RFFL: variants seen among roughly 807,000 people sequenced by gnomAD.
RFFL encodes ring finger and FYVE like domain containing E3 ubiquitin protein ligase.
A neutral mutation model predicts 40.4 loss-of-function variants in RFFL; 16 were observed. The ratio of observed to expected loss-of-function variants is 0.40; its 90% CI spans 0.27 to 0.60. RFFL has a LOEUF of 0.60. RFFL is among the 20% of genes least tolerant of loss of function. The probability of loss-of-function intolerance (pLI) is 0.47; values close to 1 mark genes in which losing one functional copy is unlikely to be tolerated. For synonymous variants in RFFL, 154 were observed against 167.9 expected (o/e 0.92, Z 0.64); for missense variants, 367 against 451.7 (o/e 0.81, Z 1.70).
At chr17:35,026,729 G>C (rs2091043551) in intron 1 of RFFL, among the ~76,000 whole-genome samples, 168 bp from the exon 2 acceptor site, 1 of 152,146 alleles carries the variant, frequency 6.6e-6, no homozygotes, top group African/African-American at 2.4e-5. Context: ...TTTTGAGATG[G>C]AGTTTTGCTC....
chr17:35,009,415 G>A lies in RFFL; in HGVS notation c.*2553C>T, dbSNP rs192398232. ...TCTCAGAGTAATCAGCAAAAGCTAC[G>A]GAATAATTCTAAGAATTAGATGTTT... On this transcript the variant is annotated 3_prime_UTR_variant, in exon 7 of 7. Transcript: ENST00000394597. 25 of 152,126 alleles carry A rather than the reference G, an allele frequency of 1.6e-4. No homozygotes were observed. The highest frequency in any genetic ancestry group is 4.6e-4 in the African/African-American group (19 of 41,468). The allele number at this position is 152,126 out of a possible 1,614,324, so 9.4% of individuals were successfully genotyped here.
chr17:35,060,868 T>C (rs1404957153), intron 1 of RFFL, among the ~76,000 whole-genome samples: 2 of 151,832 alleles, frequency 1.3e-5, no homozygotes, highest in Non-Finnish European at 2.9e-5. Context: ...AACTCAACAG[T>C]CTAGTGGAAG....
At chr17:35,034,042 C>A (rs1355911828) in intron 1 of RFFL, among the ~76,000 whole-genome samples, 1 of 151,446 alleles carries the variant, frequency 6.6e-6, no homozygotes. Flanking sequence ...ACCCGGGAGG[C>A]TGAGGCAGGA....
intron 1 of RFFL, among the ~76,000 whole-genome samples, chr17:35,055,760 C>T (rs1229038255): frequency 1.3e-5 from 2 of 151,816 alleles, no homozygotes; most frequent in Non-Finnish European, 1.5e-5. Context: ...AGTCACACAG[C>T]GCTAGATACT....
At chr17:35,039,850 T>C (rs924205451) in intron 1 of RFFL, among the ~76,000 whole-genome samples, 6 of 152,038 alleles carry the variant, frequency 3.9e-5, no homozygotes, top group Non-Finnish European at 8.8e-5. Context: ...GCTAATTTTG[T>C]ATTTTTAGTA....
At chr17:35,055,177 C>T (rs1912676575) in intron 1 of RFFL, among the ~76,000 whole-genome samples, 1 of 151,966 alleles carries the variant, frequency 6.6e-6, no homozygotes, top group African/African-American at 2.4e-5. Flanking sequence ...CTCGGCCTCC[C>T]AAAGTGCTGG....
Position 35,011,832 on chromosome 17 carries a change from A to C in RFFL, c.*136T>G. On this transcript the variant is annotated 3_prime_UTR_variant, in exon 7 of 7. Transcript: ENST00000394597. ...GAAGACAGGCATGCTCAGGGGTGACATGGCATCTTGCTTGACCTGGTTTTG... is the reference window on the plus strand; with the variant it reads ...GAAGACAGGCATGCTCAGGGGTGACCTGGCATCTTGCTTGACCTGGTTTTG... 1 of 801,434 alleles carries C rather than the reference A, an allele frequency of 1.2e-6. No individual in the cohort carries two copies. Among genetic ancestry groups the C allele is most frequent in the Admixed American group, 2.4e-5 (1 of 42,180 alleles). 49.6% of individuals were successfully genotyped at this position (801,434 alleles called of 1,614,324 possible).
chr17:35,017,467 G>C, intron 4 of RFFL, 56 bp downstream of exon 4: 1 of 1,147,856 alleles, frequency 8.7e-7, no homozygotes. Flanking sequence ...AAGAGGTTCC[G>C]AAGAACACCA....
At chr17:35,022,919 C>T (rs2091018546) in intron 2 of RFFL, among the ~76,000 whole-genome samples, 1 of 152,228 alleles carries the variant, frequency 6.6e-6, no homozygotes, top group Admixed American at 6.5e-5. Context: ...TACTGCCTGG[C>T]AGCAGCTAGT....
intron 2 of RFFL, among the ~76,000 whole-genome samples, chr17:35,025,553 A>T (rs1267438220): frequency 6.6e-6 from 1 of 152,270 alleles, no homozygotes; most frequent in East Asian, 1.9e-4. Context: ...TCCTTTGCAC[A>T]TAGCAGATGG....
At chr17:35,038,834 G>C (rs765258281) in intron 1 of RFFL, among the ~76,000 whole-genome samples, 1 of 152,168 alleles carries the variant, frequency 6.6e-6, no homozygotes, top group Non-Finnish European at 1.5e-5. Context: ...TGTTGACTTT[G>C]TAAAAATTCA....
intron 1 of RFFL, among the ~76,000 whole-genome samples, chr17:35,081,838 A>G (rs2091404340): frequency 6.6e-6 from 1 of 152,180 alleles, no homozygotes; most frequent in South Asian, 2.1e-4. Context: ...CAAAACTTCA[A>G]TTGTATTACA....
intron 4 of RFFL, 112 bp from the exon 5 acceptor site, chr17:35,016,692 G>T: frequency 1.3e-6 from 1 of 770,992 alleles, no homozygotes; most frequent in Non-Finnish European, 2.2e-6. Flanking sequence ...ACCTCATGAA[G>T]GGTAGGAACA....
intron 1 of RFFL, among the ~76,000 whole-genome samples, chr17:35,083,634 G>A (rs961548324): frequency 6.6e-6 from 1 of 151,578 alleles, no homozygotes; most frequent in Non-Finnish European, 1.5e-5. Context: ...TACAAAAATC[G>A]GCTGGACATG....
chr17:35,062,006 C>T (rs1172890324), intron 1 of RFFL, among the ~76,000 whole-genome samples: 3 of 151,898 alleles, frequency 2.0e-5, no homozygotes, highest in Admixed American at 2.0e-4. Flanking sequence ...GTTTTGACCT[C>T]TGGTAAATTA....
intron 1 of RFFL, among the ~76,000 whole-genome samples, chr17:35,082,023 T>C (rs900925422): frequency 6.6e-6 from 1 of 152,144 alleles, no homozygotes; most frequent in African/African-American, 2.4e-5. Context: ...AAAATAAATA[T>C]ATAAGAAATT....
chr17:35,065,330 CG>C (rs1360776315), upstream of RFFL, among the ~76,000 whole-genome samples: 1 of 151,890 alleles, frequency 6.6e-6, no homozygotes, highest in Non-Finnish European at 1.5e-5. Context: ...CCGAGGTGGG[CG>C]GATCACCTGA....
chr17:35,070,048 G>C (rs1156567878), intron 1 of RFFL, among the ~76,000 whole-genome samples: 1 of 151,954 alleles, frequency 6.6e-6, no homozygotes, highest in Non-Finnish European at 1.5e-5. Flanking sequence ...CACACCGAGA[G>C]AGGGAGAGCA....
At chr17:35,057,435 A>G (rs1480354963) in intron 1 of RFFL, among the ~76,000 whole-genome samples, 1 of 151,562 alleles carries the variant, frequency 6.6e-6, no homozygotes, top group African/African-American at 2.4e-5. Flanking sequence ...TGGCTGAAAC[A>G]TTCTCCCTAG....
Sources: allele counts gnomAD v4.1 joint callset (sites outside exome capture counted in the v4.1 genomes callset), GRCh38; gene constraint gnomAD v4.1.1; transcripts MANE v1.5; gene names NCBI Gene and HGNC (gene_info 2026-07-23, HGNC 2026-07-21).